The following RGL1 variants were observed in gnomAD, a reference collection of about 807,000 sequenced individuals.
RGL1 encodes ral guanine nucleotide dissociation stimulator-like 1.
In RGL1, 24 loss-of-function variants were observed where a neutral mutation model predicts 95.2. That is an observed-to-expected ratio of 0.25 (90% CI 0.18 to 0.35). RGL1 has a LOEUF of 0.35. RGL1 is among the 10% of genes least tolerant of loss of function. The pLI is 1.00. For synonymous variants in RGL1, 329 were observed against 344.9 expected (o/e 0.95, Z 0.51); for missense variants, 715 against 936.3 (o/e 0.76, Z 3.08).
chr1:183,767,075 C>T (rs1030006750), intron 2 of RGL1, among the ~76,000 whole-genome samples: 1 of 151,364 alleles, frequency 6.6e-6, no homozygotes, highest in Non-Finnish European at 1.5e-5. Context: ...AAAAAATTAG[C>T]CAGATGTGGT....
chr1:183,716,286 G>A (rs1464387918), intron 1 of RGL1, among the ~76,000 whole-genome samples: 3 of 152,158 alleles, frequency 2.0e-5, no homozygotes, highest in Non-Finnish European at 4.4e-5. Flanking sequence ...GATAAAAACT[G>A]TATGTTTTAG....
At chr1:183,754,883 T>C (rs915240323) in intron 2 of RGL1, 16 of 152,376 alleles carry the variant, frequency 1.1e-4, no homozygotes, top group African/African-American at 3.1e-4. Flanking sequence ...CTGACTTCAA[T>C]GCCTATCTGT....
chr1:183,885,002 G>T, intron 7 of RGL1, 64 bp downstream of exon 7: 2 of 1,360,644 alleles, frequency 1.5e-6, no homozygotes, highest in Non-Finnish European at 2.0e-6. Context: ...CCATCACTTC[G>T]TTTAAATGGT....
At chr1:183,684,129 A>G (rs1321831825) in intron 1 of RGL1, among the ~76,000 whole-genome samples, 1 of 150,474 alleles carries the variant, frequency 6.6e-6, no homozygotes, top group Non-Finnish European at 1.5e-5. Flanking sequence ...TTTAGCTTGG[A>G]GGAGTTTGTT....
intron 4 of RGL1, among the ~76,000 whole-genome samples, chr1:183,878,204 C>CT (rs1359222095): frequency 4.0e-5 from 6 of 150,300 alleles, no homozygotes; most frequent in African/African-American, 9.8e-5. Flanking sequence ...ATCTGTCTAT[C>CT]TTTTTTTTTG....
intron 12 of RGL1, among the ~76,000 whole-genome samples, chr1:183,904,541 A>G (rs1418807323): frequency 6.6e-6 from 1 of 152,208 alleles, no homozygotes; most frequent in East Asian, 1.9e-4. Flanking sequence ...AGAAAAAGGA[A>G]GCCACTGTAA....
At chr1:183,916,137 T>C (rs1026823487) in intron 15 of RGL1, among the ~76,000 whole-genome samples, 3 of 152,186 alleles carry the variant, frequency 2.0e-5, no homozygotes, top group South Asian at 4.1e-4. Context: ...CCATATTGCC[T>C]CCAGTTTCTG....
chr1:183,697,652 C>T (rs1294858110), intron 1 of RGL1, among the ~76,000 whole-genome samples: 3 of 152,210 alleles, frequency 2.0e-5, no homozygotes, highest in African/African-American at 7.2e-5. Flanking sequence ...AGTGCCCACT[C>T]CTGCTAAATA....
chr1:183,745,071 C>G lies in RGL1; in HGVS notation c.132+2782C>G, dbSNP rs148134078. On this transcript the variant is annotated intron_variant, in intron 2 of 18. Coordinates refer to the RGL1 transcript ENST00000304685. ...GACAGACCTTTAAATATTGGCCAGT[C>G]TGTTTGTTTTGAAATGGGACCTTGT... Among the ~76,000 whole-genome samples the G allele has an allele frequency of 2.0e-4, 31 of 152,226 alleles. No homozygotes were observed. The East Asian group carries it at 5.6e-3, about 27-fold the overall frequency.
chr1:183,820,186 T>C (rs1662374501), intron 2 of RGL1, among the ~76,000 whole-genome samples: 1 of 152,182 alleles, frequency 6.6e-6, no homozygotes, highest in South Asian at 2.1e-4. Flanking sequence ...TATCTTCCAA[T>C]TTTTGTTCAC....
rs1291029795 is a variant in RGL1, at chr1:183,822,666, A to T, written c.138+16181A>T. Reference sequence around the variant, plus strand: ...GCAGTCAGGAGTTATGTTTATGTTGACCTCTTGTTTTATACTTATTGCAAA... The same window carrying T: ...GCAGTCAGGAGTTATGTTTATGTTGTCCTCTTGTTTTATACTTATTGCAAA... On this transcript the variant is annotated intron_variant, in intron 2 of 17. Coordinates refer to ENST00000360851, the MANE Select transcript of RGL1 (RefSeq NM_001297671.3). 2.0e-5 allele frequency among the ~76,000 whole-genome samples: 3 copies of T among 152,116 alleles called. No homozygotes were observed. The East Asian group carries it at 5.8e-4, about 29-fold the overall frequency.
At position 183,915,320 on chromosome 1, in the gene RGL1, T is replaced by A. The variant is rs1157213886; in HGVS notation, c.1750-1127T>A. Among the ~76,000 whole-genome samples the A allele has an allele frequency of 2.0e-5, 3 of 152,226 alleles. No individual in the cohort carries two copies. The East Asian group carries it at 5.8e-4, about 29-fold the overall frequency. Reference sequence around the variant, plus strand: ...TTAACATGGTATAATTTAGCTTAAGTCATTCCGGGAAATTCTTTATAATTT... The same window carrying A: ...TTAACATGGTATAATTTAGCTTAAGACATTCCGGGAAATTCTTTATAATTT... On this transcript the variant is annotated intron_variant, in intron 15 of 17. Coordinates refer to ENST00000360851, the MANE Select transcript of RGL1 (RefSeq NM_001297671.3).
At chr1:183,666,621 T>G (rs28766299) in intron 1 of RGL1, among the ~76,000 whole-genome samples, 1 of 152,194 alleles carries the variant, frequency 6.6e-6, no homozygotes, top group Non-Finnish European at 1.5e-5. Flanking sequence ...TACAAAGTGC[T>G]GGGATTACAG....
intron 1 of RGL1, among the ~76,000 whole-genome samples, chr1:183,710,773 C>T (rs181072381): frequency 6.6e-6 from 1 of 152,194 alleles, no homozygotes; most frequent in Non-Finnish European, 1.5e-5. Flanking sequence ...GAAAACTGCC[C>T]CCACGATCCA....
Position 183,783,906 on chromosome 1 carries a change from T to C in RGL1, c.133-22469T>C, listed in dbSNP as rs903654026. 3.9e-5 allele frequency among the ~76,000 whole-genome samples: 6 copies of C among 152,276 alleles called. No individual in the cohort carries two copies. In the South Asian group the frequency reaches 1.2e-3, roughly 32 times the overall value. On this transcript the variant is annotated intron_variant, in intron 2 of 18. Transcript: ENST00000304685. ...AAGACTTTTCCAGGGTGTGGAGTTG[T>C]CAGGAATAAATCAGGGAGGTCTGCA...
intron 1 of RGL1, among the ~76,000 whole-genome samples, chr1:183,735,587 G>A (rs1291539251): frequency 6.6e-6 from 1 of 152,146 alleles, no homozygotes; most frequent in Non-Finnish European, 1.5e-5. Context: ...TATATAGATA[G>A]ACTTGAAATG....
At chr1:183,821,304 GA>G (rs1662475642) in intron 2 of RGL1, among the ~76,000 whole-genome samples, 1 of 152,148 alleles carries the variant, frequency 6.6e-6, no homozygotes, top group Non-Finnish European at 1.5e-5. Flanking sequence ...TGTGGGTTCT[GA>G]AGTCAGTTAG....
chr1:183,666,471 C>G (rs572735893), intron 1 of RGL1, among the ~76,000 whole-genome samples: 1 of 152,080 alleles, frequency 6.6e-6, no homozygotes, highest in Non-Finnish European at 1.5e-5. Flanking sequence ...TTTAGAACTT[C>G]GTTGTTTAAT....
chr1:183,721,685 C>A (rs1656022115), intron 1 of RGL1, among the ~76,000 whole-genome samples: 1 of 152,228 alleles, frequency 6.6e-6, no homozygotes, highest in African/African-American at 2.4e-5. Context: ...TTCCTCTCTT[C>A]AGGATGAAGT....
Sources: gnomAD v4.1 joint callset for allele counts (sites outside exome capture counted in the v4.1 genomes callset) on GRCh38, gnomAD v4.1.1 for gene constraint, MANE v1.5 for transcripts, NCBI Gene and HGNC (gene_info 2026-07-23, HGNC 2026-07-21) for gene names.